Variants in CPS1 observed in about 807,000 individuals in gnomAD.
CPS1 encodes carbamoyl-phosphate synthase [ammonia], mitochondrial.
A neutral mutation model predicts 174.6 loss-of-function variants in CPS1; 109 were observed. The ratio of observed to expected loss-of-function variants is 0.62; its 90% CI spans 0.53 to 0.73. The LOEUF (loss-of-function observed/expected upper bound fraction) is 0.73. Among genes scored for constraint, CPS1 ranks in the 30% least tolerant of loss-of-function variants. The pLI, the probability that CPS1 is intolerant of heterozygous loss-of-function variation, is 0.00. For synonymous variants in CPS1, 637 were observed against 632.0 expected, an observed-to-expected ratio of 1.01 and a Z score of -0.12; for missense variants, 1,689 against 1,821.9, an observed-to-expected ratio of 0.93 and a Z score of 1.33.
chr2:210,513,056 A>T (rs1326564912), intron 1 of CPS1, among the ~76,000 whole-genome samples: 34 of 29,066 alleles, frequency 1.2e-3, no homozygotes, highest in African/African-American at 2.4e-3. Flanking sequence ...ATATATATAT[A>T]TGGAGATATA....
rs80195644 is a variant in CPS1, at chr2:210,660,429, A to T, written c.3757-56A>T. On this transcript the variant is annotated intron_variant, in intron 31 of 37. Coordinates refer to ENST00000233072, the MANE Select transcript of CPS1 (RefSeq NM_001875.5). ...AACCAGTGGTAGAGAGAATATTAAT[A>T]TTGTTGTTACTGGCTCTCAATGTCC... The T allele has an allele frequency of 2.5e-4, 380 of 1,528,418 alleles. 3 individuals are homozygous for T. The East Asian group carries it at 8.5e-3, about 34-fold the overall frequency. 94.7% of individuals were successfully genotyped at this position (1,528,418 alleles called of 1,614,324 possible).
At chr2:210,671,376 A>T (rs1165035249) in intron 34 of CPS1, among the ~76,000 whole-genome samples, 1 of 152,218 alleles carries the variant, frequency 6.6e-6, no homozygotes, top group Non-Finnish European at 1.5e-5. Context: ...GTCCCCGTAG[A>T]ATCCACAGGC....
intron 1 of CPS1, among the ~76,000 whole-genome samples, chr2:210,531,493 C>G (rs925188543): frequency 1.3e-5 from 2 of 152,196 alleles, no homozygotes; most frequent in African/African-American, 4.8e-5. Context: ...CAACCCAAAG[C>G]TTTGCATTCA....
intron 13 of CPS1, 110 bp downstream of exon 13, chr2:210,595,692 A>G: frequency 1.3e-6 from 1 of 797,596 alleles, no homozygotes. Flanking sequence ...TGCTATAATT[A>G]TTTTCCTTAA....
At chr2:210,510,143 T>A (rs1000673469) in intron 1 of CPS1, among the ~76,000 whole-genome samples, 34 of 152,140 alleles carry the variant, frequency 2.2e-4, no homozygotes, top group African/African-American at 8.2e-4. Flanking sequence ...AAGGCAACAG[T>A]AACCCAAACA....
At chr2:210,489,743 AAAAG>A (rs1281562462) in intron 1 of CPS1, among the ~76,000 whole-genome samples, 1 of 152,184 alleles carries the variant, frequency 6.6e-6, no homozygotes, top group East Asian at 1.9e-4. Context: ...AATAAAATAA[AAAAG>A]GAAGGAAGGG....
intron 2 of CPS1, among the ~76,000 whole-genome samples, chr2:210,575,034 T>G (rs527544860): frequency 6.6e-6 from 1 of 152,140 alleles, no homozygotes; most frequent in Admixed American, 6.6e-5. Flanking sequence ...GCAATGCATT[T>G]ATATTGTGGG....
chr2:210,541,576 G>T (rs1387664738), intron 1 of CPS1, among the ~76,000 whole-genome samples: 7 of 152,166 alleles, frequency 4.6e-5, no homozygotes, highest in African/African-American at 7.2e-5. Flanking sequence ...TCAGTGAAAT[G>T]CTGATTGATC....
Position 210,612,133 on chromosome 2 carries a change from G to T in CPS1, c.2408G>T (p.Arg803Leu). The T allele has an allele frequency of 6.2e-7, 1 of 1,611,734 alleles. No individual in the cohort carries two copies. The highest frequency in any genetic ancestry group is 8.5e-7 in the Non-Finnish European group (1 of 1,178,574). ...KSVGEVMAIGRTFEESFQKAL... is the reference protein window; with the variant it reads ...KSVGEVMAIGLTFEESFQKAL... ...GTATTACAGGTCATGGCTATTGGTC[G>T]TACCTTTGAGGAGAGTTTCCAGAAA... Residue 803 changes from arginine (R) to leucine (L), a missense_variant, in exon 20 of 38, where the codon CGT becomes CTT. Arg to Leu is a moderately radical substitution (Grantham distance 102). Transcript: ENST00000233072.
At chr2:210,672,517 T>A (rs1299850806) in intron 34 of CPS1, 1 of 152,174 alleles carries the variant, frequency 6.6e-6, no homozygotes, top group Non-Finnish European at 1.5e-5. Context: ...TCTTAAAACA[T>A]GAAAAAAAAT....
intron 25 of CPS1, among the ~76,000 whole-genome samples, chr2:210,645,997 A>C (rs550815036): frequency 5.9e-5 from 9 of 152,306 alleles, no homozygotes; most frequent in Admixed American, 4.6e-4. Flanking sequence ...TAATTCCTTA[A>C]AAAGCAGAAA....
intron 28 of CPS1, 51 bp downstream of exon 28, chr2:210,650,489 T>C (rs748075192): frequency 8.0e-7 from 1 of 1,251,770 alleles, no homozygotes; most frequent in African/African-American, 1.5e-5. Context: ...AAACATGTAG[T>C]GACATTTATC....
At chr2:210,525,934 C>T (rs929919005) in intron 1 of CPS1, among the ~76,000 whole-genome samples, 5 of 151,644 alleles carry the variant, frequency 3.3e-5, no homozygotes, top group South Asian at 2.1e-4. Flanking sequence ...AAGAATGGCA[C>T]GTGCAAGAAA....
intron 30 of CPS1, 179 bp from the exon 31 acceptor site, chr2:210,658,420 T>G: frequency 1.7e-6 from 1 of 578,266 alleles, no homozygotes; most frequent in East Asian, 3.1e-5. Flanking sequence ...ATTTATTGCA[T>G]ATTATTTTGT....
At chr2:210,581,181 C>T (rs1425906449) in intron 5 of CPS1, among the ~76,000 whole-genome samples, 2 of 151,932 alleles carry the variant, frequency 1.3e-5, no homozygotes, top group South Asian at 2.1e-4. Context: ...TAAGCAATGA[C>T]GAGGCTATGA....
Position 210,616,413 on chromosome 2 carries a change from C to G in CPS1, c.2569-10C>G, listed in dbSNP as rs1699306250. ...TTTGCCAAAGAAAGTATCTCTTCTC[C>G]TCTTGGCAGGCCATTGATGACAACA... On this transcript the variant is annotated splice_polypyrimidine_tract_variant and intron_variant, in intron 20 of 37. Coordinates refer to ENST00000233072, the MANE Select transcript of CPS1 (RefSeq NM_001875.5). 6.4e-7 allele frequency: 1 copy of G among 1,573,978 alleles called. No individual in the cohort carries two copies. The highest frequency in any genetic ancestry group is 1.1e-5 in the South Asian group (1 of 90,256).
intron 1 of CPS1, among the ~76,000 whole-genome samples, chr2:210,517,564 C>T (rs1461415277): frequency 1.3e-5 from 2 of 152,032 alleles, no homozygotes; most frequent in African/African-American, 4.8e-5. Context: ...GCAGTGACTG[C>T]CTGAAAGGAC....
chr2:210,582,750 C>A, intron 6 of CPS1, 41 bp downstream of exon 6: 1 of 1,388,474 alleles, frequency 7.2e-7, no homozygotes, highest in Non-Finnish European at 1.0e-6. Context: ...TTATTTGATC[C>A]CATTTAGACC....
intron 25 of CPS1, among the ~76,000 whole-genome samples, chr2:210,646,753 C>T (rs1386739173): frequency 2.6e-5 from 4 of 151,774 alleles, no homozygotes; most frequent in Non-Finnish European, 4.4e-5. Context: ...GAAGACTAAA[C>T]GTTGGGGGAA....
Sources: gnomAD v4.1 joint callset for allele counts (sites outside exome capture counted in the v4.1 genomes callset) on GRCh38, gnomAD v4.1.1 for gene constraint, MANE v1.5 for transcripts, NCBI Gene and HGNC (gene_info 2026-07-23, HGNC 2026-07-21) for gene names.